SIDT1: variants seen among roughly 807,000 people sequenced by gnomAD.
The protein encoded by SIDT1 is SID1 transmembrane family member 1.
A neutral mutation model predicts 107.5 loss-of-function variants in SIDT1; 101 were observed. The observed-to-expected ratio is 0.94, with a 90% CI of 0.80 to 1.11. The LOEUF (loss-of-function observed/expected upper bound fraction) is 1.11, where lower values mean the gene tolerates loss of function less well. Among genes scored for constraint, SIDT1 ranks in the 50% least tolerant of loss-of-function variants. The pLI is 0.00. For missense variants in SIDT1, 1,076 were observed against 1,058.2 expected, an observed-to-expected ratio of 1.02 and a Z score of -0.23; for synonymous variants, 395 against 398.2, an observed-to-expected ratio of 0.99 and a Z score of 0.10.
In SIDT1 at chr3:113,592,998, T is replaced by C; in HGVS notation, c.1002-7T>C. ...TCTTAGGAGCATGTGTATGTGCTTG[T>C]TTGCAGGTTTCAGAGAAAATCCATT... On this transcript the variant is annotated splice_polypyrimidine_tract_variant and splice_region_variant and intron_variant, in intron 9 of 24. Coordinates refer to ENST00000264852, the MANE Select transcript of SIDT1 (RefSeq NM_017699.3). 6.2e-7 allele frequency: 1 copy of C among 1,610,438 alleles called. No homozygotes were observed. The highest frequency in any genetic ancestry group is 1.1e-5 in the South Asian group (1 of 91,010).
chr3:113,627,850 A>C lies in SIDT1; in HGVS notation c.*142A>C, dbSNP rs942860742. 8.2e-6 allele frequency: 6 copies of C among 729,442 alleles called. No individual in the cohort carries two copies. The African/African-American group carries it at 1.1e-4, about 13-fold the overall frequency. The allele number at this position is 729,442 out of a possible 1,614,324, so 45.2% of individuals were successfully genotyped here. On this transcript the variant is annotated 3_prime_UTR_variant, in exon 25 of 25. Transcript: ENST00000264852. ...AACTCTGCATTCACACAGGAAGGAG[A>C]GGGGCTGCGGGAGATTTAAACCTGC...
At chr3:113,547,757 G>C (rs1939760463) in intron 1 of SIDT1, among the ~76,000 whole-genome samples, 1 of 152,116 alleles carries the variant, frequency 6.6e-6, no homozygotes, top group African/African-American at 2.4e-5. Context: ...TTGGACCACT[G>C]AAAAGCATTT....
At chr3:113,615,621 G>T (rs950674920) in intron 19 of SIDT1, among the ~76,000 whole-genome samples, 5 of 152,108 alleles carry the variant, frequency 3.3e-5, no homozygotes, top group Admixed American at 2.6e-4. Context: ...TAGAGCCTAG[G>T]GTCCTTTAGT....
At position 113,555,541 on chromosome 3, in the gene SIDT1, A is replaced by C. The variant is rs573676638; in HGVS notation, c.223-10879A>C. 2.0e-5 allele frequency among the ~76,000 whole-genome samples: 3 copies of C among 152,240 alleles called. No individual in the cohort carries two copies. The South Asian group carries it at 6.2e-4, about 32-fold the overall frequency. ...TTATCCTTCTCCTCAATGTTTTTCCATGTTTTTATTGAATTGAATATTTTA... is the reference window on the plus strand; with the variant it reads ...TTATCCTTCTCCTCAATGTTTTTCCCTGTTTTTATTGAATTGAATATTTTA... On this transcript the variant is annotated intron_variant, in intron 1 of 24. Coordinates refer to ENST00000264852, the MANE Select transcript of SIDT1 (RefSeq NM_017699.3).
At position 113,627,702 on chromosome 3, in the gene SIDT1, C is replaced by A; in HGVS notation, c.2478C>A (p.Val826=). ...LDVVRRDQIP[V]F is the part of the protein sequence containing the mutation. Reference sequence around the variant, plus strand: ...TGGTTCGGAGAGACCAGATCCCTGTCTTCTGAACCTCCAACATTAAGAGAG... The same window carrying A: ...TGGTTCGGAGAGACCAGATCCCTGTATTCTGAACCTCCAACATTAAGAGAG... The change falls in exon 25 of 25, where the codon GTC becomes GTA. Residue 826 remains valine (V), a synonymous_variant. Transcript: ENST00000264852. 1.2e-6 allele frequency: 2 copies of A among 1,613,512 alleles called. No individual in the cohort carries two copies. Among genetic ancestry groups the A allele is most frequent in the Non-Finnish European group, 1.7e-6 (2 of 1,179,950 alleles).
chr3:113,634,210 C>T (rs138797243), downstream of SIDT1, among the ~76,000 whole-genome samples: 2 of 152,310 alleles, frequency 1.3e-5, no homozygotes, highest in Middle Eastern at 3.4e-3. Context: ...TAAGAGGTTG[C>T]AACAACCTCA....
chr3:113,598,641 A>C (rs1302851073), intron 10 of SIDT1, among the ~76,000 whole-genome samples: 1 of 152,240 alleles, frequency 6.6e-6, no homozygotes, highest in Non-Finnish European at 1.5e-5. Context: ...TGGGCAAATT[A>C]CTTGATCTCT....
At chr3:113,610,824 G>T (rs955714802) in intron 17 of SIDT1, among the ~76,000 whole-genome samples, 184 bp from the exon 18 acceptor site, 1 of 152,152 alleles carries the variant, frequency 6.6e-6, no homozygotes, top group East Asian at 1.9e-4. Context: ...AGTGGAGTAC[G>T]TGCGGTCTCC....
chr3:113,547,274 A>G (rs1372735619), intron 1 of SIDT1, among the ~76,000 whole-genome samples: 3 of 152,124 alleles, frequency 2.0e-5, no homozygotes, highest in Non-Finnish European at 2.9e-5. Flanking sequence ...AAAAGCAAAA[A>G]ACTTCTTTTT....
chr3:113,593,855 A>G (rs1944352210), intron 10 of SIDT1, among the ~76,000 whole-genome samples: 1 of 152,242 alleles, frequency 6.6e-6, no homozygotes, highest in Non-Finnish European at 1.5e-5. Context: ...ATCCAGAGTA[A>G]TTGACTATCC....
At chr3:113,597,701 C>A (rs969741510) in intron 10 of SIDT1, among the ~76,000 whole-genome samples, 2 of 152,084 alleles carry the variant, frequency 1.3e-5, no homozygotes, top group African/African-American at 2.4e-5. Context: ...AGCAAGCGTG[C>A]AAGCATATCC....
At chr3:113,608,072 G>A (rs1945465325) in intron 15 of SIDT1, 22 bp from the exon 16 acceptor site, 1 of 1,553,240 alleles carries the variant, frequency 6.4e-7, no homozygotes, top group Non-Finnish European at 8.7e-7. Flanking sequence ...ACTCTCTCAT[G>A]GTCTCTCACT....
chr3:113,551,279 C>G (rs1027711189), intron 1 of SIDT1, among the ~76,000 whole-genome samples: 1 of 152,268 alleles, frequency 6.6e-6, no homozygotes, highest in South Asian at 2.1e-4. Flanking sequence ...GGCATATACC[C>G]AGTAATGTGA....
At chr3:113,610,526 A>C (rs1350101959) in intron 17 of SIDT1, among the ~76,000 whole-genome samples, 1 of 152,198 alleles carries the variant, frequency 6.6e-6, no homozygotes, top group East Asian at 1.9e-4. Context: ...ATTTTCCATC[A>C]CTAGGCTATA....
chr3:113,619,423 G>T (rs978754313), intron 20 of SIDT1, among the ~76,000 whole-genome samples: 1 of 152,164 alleles, frequency 6.6e-6, no homozygotes, highest in Non-Finnish European at 1.5e-5. Flanking sequence ...CTAAACACTG[G>T]GAAGAAATAG....
chr3:113,601,543 T>A, intron 10 of SIDT1, 45 bp from the exon 11 acceptor site: 1 of 1,334,284 alleles, frequency 7.5e-7, no homozygotes, highest in South Asian at 1.2e-5. Context: ...TGTTTTGTTT[T>A]AGCAACTGGA....
At chr3:113,535,566 T>G (rs2107555258) in intron 1 of SIDT1, among the ~76,000 whole-genome samples, 1 of 152,336 alleles carries the variant, frequency 6.6e-6, no homozygotes. Context: ...ATGAAACAGT[T>G]TTGAAAATAT....
chr3:113,616,530 T>C (rs933335640), intron 20 of SIDT1, among the ~76,000 whole-genome samples: 2 of 151,972 alleles, frequency 1.3e-5, no homozygotes, highest in Non-Finnish European at 2.9e-5. Flanking sequence ...AGGGAGAAGA[T>C]CAGGAAGAAT....
At position 113,607,646 on chromosome 3, in the gene SIDT1, G is replaced by A. The variant is rs558490465; in HGVS notation, c.1479-448G>A. 3.9e-5 allele frequency among the ~76,000 whole-genome samples: 6 copies of A among 152,308 alleles called. No homozygotes were observed. The South Asian group carries it at 6.2e-4, about 16-fold the overall frequency. The stretch of plus-strand genomic sequence containing the variant: ...TTGCTCCAGAGCTGAACCAGCGTTC[G>A]TTTCCTCAAATAAAGCTGCTGGCTA... On this transcript the variant is annotated intron_variant, in intron 15 of 24. Coordinates refer to ENST00000264852, the MANE Select transcript of SIDT1 (RefSeq NM_017699.3).
Sources: gnomAD v4.1 joint callset for allele counts (sites outside exome capture counted in the v4.1 genomes callset) on GRCh38, gnomAD v4.1.1 for gene constraint, MANE v1.5 for transcripts, NCBI Gene and HGNC (gene_info 2026-07-23, HGNC 2026-07-21) for gene names.